The following FUBP1 variants were observed in gnomAD, a reference collection of about 807,000 sequenced individuals.
FUBP1 encodes far upstream element binding protein 1, also known as far upstream element-binding protein 1.
In FUBP1, 16 loss-of-function variants were observed where a neutral mutation model predicts 94.9. The ratio of observed to expected loss-of-function variants is 0.17; its 90% CI spans 0.11 to 0.26. The LOEUF is 0.26. FUBP1 is among the 10% of genes least tolerant of loss of function. The pLI is 1.00. For synonymous variants in FUBP1, 279 were observed against 254.9 expected, an observed-to-expected ratio of 1.09 and a Z score of -0.90; for missense variants, 583 against 808.6, an observed-to-expected ratio of 0.72 and a Z score of 3.38.
At position 77,978,941 on chromosome 1, in the gene FUBP1, C is replaced by T. The variant is rs1326722932; in HGVS notation, c.64G>A (p.Gly22Ser). ...SGSAGGGGGG[G>S]GGGGVNDAFK... The stretch of plus-strand genomic sequence containing the variant: ...GCGTCGTTAACTCCTCCACCACCAC[C>T]GCCGCCACCACCGCCACCAGCTGAG... Residue 22 changes from glycine (G) to serine (S), a missense_variant, in exon 1 of 20, where the codon GGT becomes AGT. By Grantham distance (56) the Gly-to-Ser change is moderately conservative. Transcript: ENST00000370768. 6 of 1,613,370 alleles carry T rather than the reference C, an allele frequency of 3.7e-6. No individual in the cohort carries two copies. Among genetic ancestry groups the T allele is most frequent in the South Asian group, 1.1e-5 (1 of 91,064 alleles).
rs564271763 is a variant in FUBP1 at position 77,959,769 on chromosome 1, C to A, written c.1576+415G>T. Among the ~76,000 whole-genome samples the A allele has an allele frequency of 4.6e-5, 7 of 152,314 alleles. No homozygotes were observed. The South Asian group carries it at 1.2e-3, about 27-fold the overall frequency. Reference sequence around the variant, plus strand: ...GCTGGTCTCAAGCCTCAGCCTCAGACTTCTGAATAGGTGGGATTACAGACG... The same window carrying A: ...GCTGGTCTCAAGCCTCAGCCTCAGAATTCTGAATAGGTGGGATTACAGACG... On this transcript the variant is annotated intron_variant, in intron 16 of 19. Transcript: ENST00000370768.
intron 1 of FUBP1, 124 bp downstream of exon 1, chr1:77,978,761 C>T (rs1343427999): frequency 4.9e-6 from 6 of 1,212,456 alleles, no homozygotes. Flanking sequence ...AAACGTGTCT[C>T]TTCACATTTC....
chr1:77,973,371 G>A (rs1281053437), intron 1 of FUBP1, among the ~76,000 whole-genome samples: 4 of 152,124 alleles, frequency 2.6e-5, no homozygotes, highest in South Asian at 4.1e-4. Flanking sequence ...TCAGCCTCTC[G>A]AGTAGCTGGG....
rs180941886 is a variant in FUBP1 at position 77,945,123 on chromosome 1, G to C, written c.*3643C>G. On this transcript the variant is annotated 3_prime_UTR_variant, in exon 20 of 20. Transcript: ENST00000370768. ...ATTTAAAATAATGCTTATAGTATCA[G>C]TGAAGGCTTATGGTAATGAATAAAA... Among the ~76,000 whole-genome samples, 6 of 152,038 alleles carry C rather than the reference G, an allele frequency of 3.9e-5. No individual in the cohort carries two copies. Among genetic ancestry groups the C allele is most frequent in the Admixed American group, 3.3e-4 (5 of 15,270 alleles).
intron 1 of FUBP1, among the ~76,000 whole-genome samples, chr1:77,976,826 C>A (rs919468456): frequency 2.0e-5 from 3 of 152,208 alleles, no homozygotes; most frequent in African/African-American, 7.2e-5. Flanking sequence ...CATTGCAACA[C>A]AAGGTCTTCC....
At chr1:77,970,042 C>T (rs2102456032) in intron 1 of FUBP1, 27 bp from the exon 2 acceptor site, 2 of 1,224,862 alleles carry the variant, frequency 1.6e-6, no homozygotes, top group South Asian at 2.6e-5. Flanking sequence ...AAAATACCAT[C>T]ATAAACTATT....
chr1:77,970,058 C>A (rs750726324), intron 1 of FUBP1, 43 bp from the exon 2 acceptor site: 4 of 939,430 alleles, frequency 4.3e-6, no homozygotes, highest in Non-Finnish European at 4.8e-6. Context: ...CTATTATATA[C>A]TATTCATTAC....
chr1:77,948,908 C>T, intron 19 of FUBP1, 134 bp from the exon 20 acceptor site: 1 of 1,246,762 alleles, frequency 8.0e-7, no homozygotes. Flanking sequence ...GCATGATTTG[C>T]AAATCCCTGG....
intron 1 of FUBP1, among the ~76,000 whole-genome samples, chr1:77,974,008 T>A (rs888504542): frequency 6.6e-6 from 1 of 152,062 alleles, no homozygotes; most frequent in Non-Finnish European, 1.5e-5. Flanking sequence ...CTTATGCAAC[T>A]ACATAAAGGA....
upstream of FUBP1, chr1:77,979,307 ATT>A (rs1480433451): frequency 2.7e-6 from 1 of 368,296 alleles, no homozygotes; most frequent in Non-Finnish European, 5.0e-6. Context: ...AGGCTGGGTA[ATT>A]GTTCCTGCAG....
intron 1 of FUBP1, 94 bp downstream of exon 1, chr1:77,978,791 T>A: frequency 1.4e-6 from 2 of 1,446,984 alleles, no homozygotes; most frequent in Non-Finnish European, 1.9e-6. Flanking sequence ...GAACACCTCT[T>A]TCCTCTTCCT....
chr1:77,964,551 G>A, intron 10 of FUBP1, 95 bp downstream of exon 10: 2 of 772,332 alleles, frequency 2.6e-6, no homozygotes, highest in Non-Finnish European at 4.4e-6. Context: ...GAAATAAAAG[G>A]ATAACAATGT....
At chr1:77,968,770 T>C (rs974031986) in intron 2 of FUBP1, among the ~76,000 whole-genome samples, 6 of 151,990 alleles carry the variant, frequency 3.9e-5, no homozygotes, top group African/African-American at 1.4e-4. Flanking sequence ...TCAAAGCAAC[T>C]ACATGACTAC....
Position 77,964,787 on chromosome 1 carries a change from C to G in FUBP1, c.736-40G>C, listed in dbSNP as rs770757125. On this transcript the variant is annotated intron_variant, in intron 9 of 19. Coordinates refer to ENST00000370768, the MANE Select transcript of FUBP1 (RefSeq NM_003902.5). Reference sequence around the variant, plus strand: ...GTTAGCTAATTTAGAAAGCATGTCTCAAAACATTTTAATTATTCATGCATA... The same window carrying G: ...GTTAGCTAATTTAGAAAGCATGTCTGAAAACATTTTAATTATTCATGCATA... 22 of 1,515,986 alleles carry G rather than the reference C, an allele frequency of 1.5e-5. No homozygotes were observed. The South Asian group carries it at 2.0e-4, about 14-fold the overall frequency. The allele number at this position is 1,515,986 out of a possible 1,614,324, so 93.9% of individuals were successfully genotyped here. A position where few individuals can be genotyped will look rare whatever the true frequency, so the allele number is the denominator to read the frequency against.
rs1652160867 is a variant in FUBP1, at chr1:77,946,337, A to C, written c.*2429T>G. ...TAAAAAAAAAAAAGTAAAATAAAAA[A>C]CATTACCCAGAAATGTAAACAGTTG... is the stretch of plus-strand genomic sequence containing the variant. On this transcript the variant is annotated 3_prime_UTR_variant, in exon 20 of 20. Transcript: ENST00000370768. 1 of 191,626 alleles carries C rather than the reference A, an allele frequency of 5.2e-6. No individual in the cohort carries two copies. Among genetic ancestry groups the C allele is most frequent in the Non-Finnish European group, 1.1e-5 (1 of 91,454 alleles). The allele number at this position is 191,626 out of a possible 1,614,324, so 11.9% of individuals were successfully genotyped here. A position where few individuals can be genotyped will look rare whatever the true frequency, so the allele number is the denominator to read the frequency against.
At position 77,964,803 on chromosome 1, in the gene FUBP1, T is replaced by C. The variant is rs1656169967; in HGVS notation, c.736-56A>G. Reference sequence around the variant, plus strand: ...AGCATGTCTCAAAACATTTTAATTATTCATGCATATTTTGCCCAACCCCAT... The same window carrying C: ...AGCATGTCTCAAAACATTTTAATTACTCATGCATATTTTGCCCAACCCCAT... On this transcript the variant is annotated intron_variant, in intron 9 of 19. Coordinates refer to ENST00000370768, the MANE Select transcript of FUBP1 (RefSeq NM_003902.5). The C allele has an allele frequency of 1.0e-5, 15 of 1,482,936 alleles. No homozygotes were observed. In the South Asian group the frequency reaches 1.5e-4, roughly 15 times the overall value. 91.9% of individuals were successfully genotyped at this position (1,482,936 alleles called of 1,614,324 possible).
chr1:77,971,340 A>G (rs1392813221), intron 1 of FUBP1, among the ~76,000 whole-genome samples: 2 of 152,168 alleles, frequency 1.3e-5, no homozygotes, highest in Non-Finnish European at 2.9e-5. Context: ...AGAAAACCTA[A>G]CTTTTGGTGA....
chr1:77,977,217 A>C (rs1306046949), intron 1 of FUBP1, among the ~76,000 whole-genome samples: 1 of 152,178 alleles, frequency 6.6e-6, no homozygotes, highest in Non-Finnish European at 1.5e-5. Context: ...AACAAACGAA[A>C]AAAAACAAGG....
At chr1:77,964,625 T>C (rs746770072) in intron 10 of FUBP1, 21 bp downstream of exon 10, 4 of 1,285,984 alleles carry the variant, frequency 3.1e-6, no homozygotes, top group Non-Finnish European at 4.5e-6. Context: ...CAACCATTTC[T>C]GAATGGGTAT....
Sources: allele counts gnomAD v4.1 joint callset (sites outside exome capture counted in the v4.1 genomes callset), GRCh38; gene constraint gnomAD v4.1.1; transcripts MANE v1.5; gene names NCBI Gene and HGNC (gene_info 2026-07-23, HGNC 2026-07-21).